The following LCP2 variants were observed in gnomAD, a reference collection of about 807,000 sequenced individuals.
LCP2 encodes the protein 76 kDa tyrosine phosphoprotein.
A neutral mutation model predicts 74.5 loss-of-function variants in LCP2; 29 were observed. The ratio of observed to expected loss-of-function variants is 0.39; its 90% CI spans 0.29 to 0.53. The LOEUF (loss-of-function observed/expected upper bound fraction) is 0.53. Among genes scored for constraint, LCP2 ranks in the 20% least tolerant of loss-of-function variants. The probability of loss-of-function intolerance (pLI) is 0.72; values close to 1 mark genes in which losing one functional copy is unlikely to be tolerated. For synonymous variants in LCP2, 228 were observed against 229.5 expected, an observed-to-expected ratio of 0.99 and a Z score of 0.06; for missense variants, 604 against 634.6, an observed-to-expected ratio of 0.95 and a Z score of 0.52.
At chr5:170,249,417 T>C (rs1761379575) in intron 20 of LCP2, among the ~76,000 whole-genome samples, 1 of 151,124 alleles carries the variant, frequency 6.6e-6, no homozygotes, top group African/African-American at 2.4e-5. Context: ...TAATTTGAAA[T>C]GCATATATTT....
chr5:170,291,016 GAAAGAAAGAGA>G (rs1762285683), intron 2 of LCP2, among the ~76,000 whole-genome samples: 1 of 146,100 alleles, frequency 6.8e-6, no homozygotes, highest in African/African-American at 2.6e-5. Flanking sequence ...AAGAAAGAGA[GAAAGAAAGAGA>G]GAAAGAAAGA....
chr5:170,251,285 T>C (rs1761435955), intron 19 of LCP2: 1 of 193,122 alleles, frequency 5.2e-6, no homozygotes, highest in Admixed American at 5.5e-5. Context: ...CCCTAAACTT[T>C]CTTTTCCACA....
intron 3 of LCP2, among the ~76,000 whole-genome samples, chr5:170,279,588 G>A (rs1235282369): frequency 2.6e-5 from 4 of 152,178 alleles, no homozygotes; most frequent in Admixed American, 6.5e-5. Flanking sequence ...CTACCTGAAC[G>A]GACTCTCTGA....
In LCP2 at chr5:170,266,937, G is replaced by T. The variant is rs201492428; in HGVS notation, c.689-46C>A. On this transcript the variant is annotated intron_variant, in intron 9 of 20. Coordinates refer to ENST00000046794, the MANE Select transcript of LCP2 (RefSeq NM_005565.5). The stretch of plus-strand genomic sequence containing the variant: ...CATCAATTAAAAGAAGAAAGCAGTC[G>T]GCTGGGGGTTGGGCGGGGCTAGGGG... 22 of 1,609,764 alleles carry T rather than the reference G, an allele frequency of 1.4e-5. No homozygotes were observed. The African/African-American group carries it at 2.4e-4, about 18-fold the overall frequency.
intron 3 of LCP2, among the ~76,000 whole-genome samples, chr5:170,286,124 C>T (rs532716307): frequency 2.0e-5 from 3 of 152,292 alleles, no homozygotes; most frequent in South Asian, 2.1e-4. Flanking sequence ...TAATCTTGTT[C>T]GAAAGCCAAA....
intron 3 of LCP2, among the ~76,000 whole-genome samples, chr5:170,285,989 C>CTGA: frequency 6.6e-6 from 1 of 152,220 alleles, no homozygotes; most frequent in East Asian, 1.9e-4. Flanking sequence ...CAACCATAGG[C>CTGA]TTCACCGCCT....
At position 170,289,603 on chromosome 5, in the gene LCP2, CTTTCTTTCTTTCTT is replaced by C. The variant is rs781588287; in HGVS notation, c.142-1601_142-1588del. 6.5e-3 allele frequency among the ~76,000 whole-genome samples: 935 copies of C among 144,902 alleles called. 7 individuals carry two copies. Among genetic ancestry groups the C allele is most frequent in the African/African-American group, 0.021 (786 of 37,752 alleles). On this transcript the variant is annotated intron_variant, in intron 2 of 20. Transcript: ENST00000046794. ...TCTTAACTACTCCTTTTCTTTCTTT[CTTTCTTTCTTTCTT>C]TTTCTTTCTTTCTTTCTTTCTTTCT...
At chr5:170,261,001 C>T (rs1761639275) in intron 14 of LCP2, 106 bp downstream of exon 14, 4 of 806,496 alleles carry the variant, frequency 5.0e-6, no homozygotes, top group Admixed American at 2.0e-5. Flanking sequence ...GCAGGACCTG[C>T]TCCAGGTTCT....
At chr5:170,266,759 T>C (rs751769531) in intron 10 of LCP2, 49 bp downstream of exon 10, 4 of 1,503,360 alleles carry the variant, frequency 2.7e-6, no homozygotes, top group Non-Finnish European at 3.7e-6. Context: ...GGAAGCACTT[T>C]ATAACAGCTT....
rs762586050 is a variant in LCP2 at position 170,252,471 on chromosome 5, C to T, written c.1286G>A (p.Arg429Gln). Residue 429 changes from arginine to glutamine, a missense_variant, in exon 19 of 21, where the codon CGA becomes CAA. Arg to Gln is a conservative substitution (Grantham distance 43). Coordinates refer to ENST00000046794, the MANE Select transcript of LCP2 (RefSeq NM_005565.5). ...NEEWYVSYITRPEAEAALRKI... is the reference protein window; with the variant it reads ...NEEWYVSYITQPEAEAALRKI... The stretch of plus-strand genomic sequence containing the variant: ...TCTAAGAGCAGCTTCTGCCTCTGGT[C>T]GGGTAATATAAGAAACGTACCACTC... The T allele has an allele frequency of 2.5e-6, 4 of 1,588,458 alleles. No individual in the cohort carries two copies. The highest frequency in any genetic ancestry group is 3.4e-6 in the Non-Finnish European group (4 of 1,160,314).
At chr5:170,286,814 T>A (rs1296244713) in intron 3 of LCP2, among the ~76,000 whole-genome samples, 1 of 152,194 alleles carries the variant, frequency 6.6e-6, no homozygotes, top group African/African-American at 2.4e-5. Flanking sequence ...CCCCACCTCC[T>A]ACTCCTTTGG....
intron 9 of LCP2, 40 bp downstream of exon 9, chr5:170,266,969 T>G: frequency 1.2e-6 from 2 of 1,612,438 alleles, no homozygotes; most frequent in Non-Finnish European, 1.7e-6. Context: ...GGGGAGTGCC[T>G]GGTGGGAACA....
rs1761763852 is a variant in LCP2 at position 170,266,729 on chromosome 5, G to A, written c.772+79C>T. 61 of 1,169,038 alleles carry A rather than the reference G, an allele frequency of 5.2e-5. No homozygotes were observed. In the South Asian group the frequency reaches 7.5e-4, roughly 14 times the overall value. 72.4% of individuals were successfully genotyped at this position (1,169,038 alleles called of 1,614,324 possible). Reference sequence around the variant, plus strand: ...ATTGTGGCCATAGTTAAATGAGATGGTACATGTGAAACGTATGCAGGAAGC... The same window carrying A: ...ATTGTGGCCATAGTTAAATGAGATGATACATGTGAAACGTATGCAGGAAGC... On this transcript the variant is annotated intron_variant, in intron 10 of 20. Transcript: ENST00000046794.
intron 19 of LCP2, chr5:170,252,186 C>T (rs1277019147): frequency 3.1e-6 from 1 of 322,656 alleles, no homozygotes; most frequent in African/African-American, 2.1e-5. Flanking sequence ...TTAATAAAAT[C>T]TCCTAAGATG....
chr5:170,262,553 G>T, intron 13 of LCP2, 82 bp downstream of exon 13: 2 of 1,022,050 alleles, frequency 2.0e-6, no homozygotes, highest in Non-Finnish European at 2.9e-6. Flanking sequence ...GAGGAGCCTC[G>T]GTTCCCACTG....
chr5:170,294,565 C>A (rs1039662792), intron 1 of LCP2, among the ~76,000 whole-genome samples: 2 of 152,176 alleles, frequency 1.3e-5, no homozygotes, highest in Non-Finnish European at 2.9e-5. Context: ...TTTGTGGCAG[C>A]CTTCTTTTGG....
At chr5:170,273,402 T>C (rs1468944015) in intron 6 of LCP2, among the ~76,000 whole-genome samples, 3 of 152,204 alleles carry the variant, frequency 2.0e-5, no homozygotes, top group Admixed American at 2.0e-4. Flanking sequence ...CTTAGCTAAA[T>C]CTTTTTTTTG....
At chr5:170,263,978 G>T (rs898089990) in intron 10 of LCP2, among the ~76,000 whole-genome samples, 8 of 152,146 alleles carry the variant, frequency 5.3e-5, no homozygotes, top group African/African-American at 1.9e-4. Context: ...AGAGGGAAAA[G>T]CACTCAGGAC....
chr5:170,272,546 G>A (rs1450865640), intron 6 of LCP2, among the ~76,000 whole-genome samples: 6 of 139,168 alleles, frequency 4.3e-5, no homozygotes, highest in Non-Finnish European at 6.1e-5. Flanking sequence ...GAGCTTTCCA[G>A]CAAGATAGAC....
Sources: allele counts gnomAD v4.1 joint callset (sites outside exome capture counted in the v4.1 genomes callset), GRCh38; gene constraint gnomAD v4.1.1; transcripts MANE v1.5; gene names NCBI Gene and HGNC (gene_info 2026-07-23, HGNC 2026-07-21).